The following PTPRD variants were observed in gnomAD, a reference collection of about 807,000 sequenced individuals.
PTPRD encodes protein tyrosine phosphatase receptor type D.
Under a neutral mutation model 214.5 loss-of-function variants are expected in PTPRD, and 34 were observed. The observed-to-expected ratio is 0.16, with a 90% CI of 0.12 to 0.21. The LOEUF (loss-of-function observed/expected upper bound fraction) is 0.21. Among genes scored for constraint, PTPRD ranks in the 10% least tolerant of loss-of-function variants. The pLI is 1.00. For missense variants in PTPRD, 2,545 were observed against 2,398.7 expected, an observed-to-expected ratio of 1.06 and a Z score of -1.27; for synonymous variants, 1,128 against 845.7, an observed-to-expected ratio of 1.33 and a Z score of -5.79.
chr9:10,263,872 G>C (rs961541898), intron 3 of PTPRD, among the ~76,000 whole-genome samples: 22 of 152,134 alleles, frequency 1.4e-4, no homozygotes, highest in African/African-American at 5.1e-4. Context: ...GGTTTCGTAG[G>C]CCAGGCCAGG....
rs1417391780 is a variant in PTPRD, at chr9:8,331,855, T to TAGGAACATGTTTAAATAGAA, written c.5380-139_5380-120dup. ...CGAAAACAAAAAGGGTAGAAAAAGT[T>TAGGAACATGTTTAAATAGAA]AGGAACATGTTTAAATAGAAACTTA... On this transcript the variant is annotated intron_variant, in intron 43 of 45. Transcript: ENST00000381196. The TAGGAACATGTTTAAATAGAA allele has an allele frequency of 1.1e-5, 13 of 1,221,768 alleles. 2 individuals carry two copies. The highest frequency in any genetic ancestry group is 1.4e-5 in the Non-Finnish European group (13 of 903,400). The allele number at this position is 1,221,768 out of a possible 1,614,324, so 75.7% of individuals were successfully genotyped here.
chr9:9,884,495 G>A (rs1175257257), intron 5 of PTPRD, among the ~76,000 whole-genome samples: 1 of 152,004 alleles, frequency 6.6e-6, no homozygotes, highest in African/African-American at 2.4e-5. Context: ...TAAAGCATGT[G>A]GCATATGTCT....
intron 12 of PTPRD, among the ~76,000 whole-genome samples, chr9:8,658,929 A>G (rs1224330359): frequency 6.6e-6 from 1 of 152,214 alleles, no homozygotes; most frequent in Non-Finnish European, 1.5e-5. Context: ...ATGAGGCTCC[A>G]AAATCCAGCT....
intron 12 of PTPRD, among the ~76,000 whole-genome samples, chr9:8,717,304 A>C (rs1308785395): frequency 6.6e-6 from 1 of 152,186 alleles, no homozygotes; most frequent in Non-Finnish European, 1.5e-5. Context: ...ATCCTCCCCA[A>C]CCTACGTCTC....
At chr9:8,579,821 T>G (rs1199392645) in intron 14 of PTPRD, among the ~76,000 whole-genome samples, 1 of 152,160 alleles carries the variant, frequency 6.6e-6, no homozygotes, top group Non-Finnish European at 1.5e-5. Context: ...TGTAGTATGT[T>G]AGATGGAAAC....
chr9:9,406,861 G>A (rs1174638083), intron 8 of PTPRD, among the ~76,000 whole-genome samples: 12 of 139,898 alleles, frequency 8.6e-5, no homozygotes, highest in Admixed American at 5.8e-4. Flanking sequence ...TTTTTTTTGA[G>A]ATGAATGTGT....
intron 11 of PTPRD, among the ~76,000 whole-genome samples, chr9:8,991,253 T>C (rs2099365535): frequency 1.3e-5 from 2 of 151,638 alleles, no homozygotes; most frequent in Admixed American, 1.3e-4. Context: ...TTGATAGTTT[T>C]CCCTGGGTCA....
In PTPRD at chr9:8,506,231, G is replaced by A. The variant is rs1348743215; in HGVS notation, c.1677+1070C>T. Reference sequence around the variant, plus strand: ...TATTCTTTATTAGAACACAGGGACTGTTTCACTTTGTGAAGATTTTTTTTT... The same window carrying A: ...TATTCTTTATTAGAACACAGGGACTATTTCACTTTGTGAAGATTTTTTTTT... On this transcript the variant is annotated intron_variant, in intron 22 of 45. Coordinates refer to ENST00000381196, the MANE Select transcript of PTPRD (RefSeq NM_002839.4). Among the ~76,000 whole-genome samples the A allele has an allele frequency of 2.6e-5, 4 of 152,002 alleles. No individual in the cohort carries two copies. The East Asian group carries it at 7.7e-4, about 29-fold the overall frequency.
At chr9:10,223,690 A>ATAATAT (rs1554887049) in intron 3 of PTPRD, among the ~76,000 whole-genome samples, 4 of 146,330 alleles carry the variant, frequency 2.7e-5, no homozygotes, top group African/African-American at 5.0e-5. Context: ...AATAATAATA[A>ATAATAT]TAATAATAAT....
intron 10 of PTPRD, among the ~76,000 whole-genome samples, chr9:9,181,826 C>T (rs980035365): frequency 6.6e-6 from 1 of 151,804 alleles, no homozygotes; most frequent in Non-Finnish European, 1.5e-5. Flanking sequence ...AGAAATAGAA[C>T]TAAAAAGAAA....
rs115931624 is a variant in PTPRD at position 9,194,588 on chromosome 9, T to A, written c.-202-11225A>T. Among the ~76,000 whole-genome samples, 984 of 152,210 alleles carry A rather than the reference T, an allele frequency of 6.5e-3. 9 individuals are homozygous for A. Among genetic ancestry groups the A allele is most frequent in the African/African-American group, 0.022 (934 of 41,558 alleles). On this transcript the variant is annotated intron_variant, in intron 9 of 45. Coordinates refer to ENST00000381196, the MANE Select transcript of PTPRD (RefSeq NM_002839.4). ...ACTTGGTCTGTTGTTGACAAAAGCA[T>A]TGCTAAGCAGAACATGACTGTATTG...
At chr9:8,502,249 G>A (rs973212091) in intron 23 of PTPRD, among the ~76,000 whole-genome samples, 1 of 151,992 alleles carries the variant, frequency 6.6e-6, no homozygotes, top group Non-Finnish European at 1.5e-5. Flanking sequence ...AAACAAACAA[G>A]TGGGCAAAGA....
At chr9:10,177,446 TTG>T (rs2099255639) in intron 3 of PTPRD, among the ~76,000 whole-genome samples, 1 of 133,494 alleles carries the variant, frequency 7.5e-6, no homozygotes, top group Non-Finnish European at 1.6e-5. Context: ...TGTTAAAATG[TTG>T]TAAAAAAAAA....
In PTPRD at chr9:10,290,995, T is replaced by A. The variant is rs563127891; in HGVS notation, c.-545+49968A>T. Reference sequence around the variant, plus strand: ...TCTAACAGTCTGACCTTCCTTTTTTTAAAAACAAATTCCATTGTTTAGAGA... The same window carrying A: ...TCTAACAGTCTGACCTTCCTTTTTTAAAAAACAAATTCCATTGTTTAGAGA... On this transcript the variant is annotated intron_variant, in intron 3 of 45. Transcript: ENST00000381196. Among the ~76,000 whole-genome samples the A allele has an allele frequency of 8.6e-4, 130 of 151,906 alleles. 1 individual carries two copies. Among genetic ancestry groups the A allele is most frequent in the Non-Finnish European group, 1.1e-3 (77 of 67,934 alleles).
intron 6 of PTPRD, among the ~76,000 whole-genome samples, chr9:9,761,933 G>T (rs920904338): frequency 4.6e-5 from 7 of 152,006 alleles, no homozygotes; most frequent in Admixed American, 2.0e-4. Flanking sequence ...TTGGGATATT[G>T]GTCTGCTTGG....
intron 3 of PTPRD, among the ~76,000 whole-genome samples, chr9:10,189,355 A>G (rs1451044354): frequency 3.9e-5 from 6 of 152,116 alleles, no homozygotes; most frequent in Non-Finnish European, 8.8e-5. Context: ...TGGGTCTTTC[A>G]TCCTCAAGGA....
intron 3 of PTPRD, among the ~76,000 whole-genome samples, chr9:10,156,584 T>C (rs2099094766): frequency 1.3e-5 from 2 of 152,218 alleles, no homozygotes; most frequent in Admixed American, 6.5e-5. Flanking sequence ...GTATATGCCC[T>C]GTGGCAATGA....
At chr9:9,456,525 A>T (rs2093026430) in intron 8 of PTPRD, among the ~76,000 whole-genome samples, 1 of 151,798 alleles carries the variant, frequency 6.6e-6, no homozygotes, top group African/African-American at 2.4e-5. Context: ...ACCAAACCAG[A>T]TGGCAGAAAG....
chr9:8,835,015 G>A (rs899596313), intron 11 of PTPRD, among the ~76,000 whole-genome samples: 9 of 152,206 alleles, frequency 5.9e-5, no homozygotes, highest in Non-Finnish European at 1.3e-4. Flanking sequence ...CTAACTGCAT[G>A]AAAAGAGTAC....
Sources: allele counts gnomAD v4.1 joint callset (sites outside exome capture counted in the v4.1 genomes callset), GRCh38; gene constraint gnomAD v4.1.1; transcripts MANE v1.5; gene names NCBI Gene and HGNC (gene_info 2026-07-23, HGNC 2026-07-21).